TRPC6: variants seen among roughly 807,000 people sequenced by gnomAD.
TRPC6 encodes transient receptor potential cation channel subfamily C member 6, also known as short transient receptor potential channel 6.
In TRPC6, 55 loss-of-function variants were observed where a neutral mutation model predicts 90.7. That is an observed-to-expected ratio of 0.61 (90% CI 0.49 to 0.76). The LOEUF (loss-of-function observed/expected upper bound fraction) is 0.76. TRPC6 is among the 30% of genes least tolerant of loss of function. The probability of loss-of-function intolerance (pLI) is 0.00; values close to 1 mark genes in which losing one functional copy is unlikely to be tolerated. For missense variants in TRPC6, 989 were observed against 1,122.7 expected, an observed-to-expected ratio of 0.88 and a Z score of 1.70; for synonymous variants, 393 against 393.0, an observed-to-expected ratio of 1.00 and a Z score of 0.00.
intron 1 of TRPC6, among the ~76,000 whole-genome samples, chr11:101,514,993 A>G (rs1022386729): frequency 2.6e-5 from 4 of 152,320 alleles, no homozygotes; most frequent in East Asian, 3.9e-4. Flanking sequence ...CATCCCTCTG[A>G]GCCTCGGATT....
chr11:101,574,349 CT>C (rs1253706317), intron 1 of TRPC6, among the ~76,000 whole-genome samples: 1 of 150,970 alleles, frequency 6.6e-6, no homozygotes, highest in Admixed American at 6.6e-5. Context: ...GTATAAAGAA[CT>C]GTTTTAAGAG....
chr11:101,488,196 T>C (rs1859721677), intron 4 of TRPC6, among the ~76,000 whole-genome samples: 1 of 152,222 alleles, frequency 6.6e-6, no homozygotes. Context: ...AGAATAGGCT[T>C]GTTAGCAATG....
chr11:101,549,648 G>GA (rs200134395), intron 1 of TRPC6, among the ~76,000 whole-genome samples: 1,475 of 147,182 alleles, frequency 0.01, 29 homozygotes, highest in African/African-American at 0.034. Context: ...AACTGACAGA[G>GA]AAAAAAGGGA....
intron 1 of TRPC6, among the ~76,000 whole-genome samples, chr11:101,513,805 G>A (rs1860452273): frequency 1.3e-5 from 2 of 152,134 alleles, no homozygotes; most frequent in South Asian, 4.1e-4. Flanking sequence ...TTATGTGGAG[G>A]GGGAGAACAA....
At chr11:101,518,623 A>T (rs1160847964) in intron 1 of TRPC6, among the ~76,000 whole-genome samples, 1 of 152,230 alleles carries the variant, frequency 6.6e-6, no homozygotes, top group Non-Finnish European at 1.5e-5. Context: ...TATGAAGAAT[A>T]GTTTGGAGGT....
intron 10 of TRPC6, among the ~76,000 whole-genome samples, chr11:101,460,357 T>C (rs1378010872): frequency 6.6e-6 from 1 of 152,242 alleles, no homozygotes; most frequent in Non-Finnish European, 1.5e-5. Context: ...GCCACTGGTA[T>C]AACTTAAATC....
At chr11:101,521,158 G>C (rs1319454955) in intron 1 of TRPC6, among the ~76,000 whole-genome samples, 1 of 150,468 alleles carries the variant, frequency 6.6e-6, no homozygotes, top group African/African-American at 2.4e-5. Context: ...AGACCTTTGT[G>C]ACAGCCCCTT....
chr11:101,477,843 C>G (rs1020734109), intron 5 of TRPC6, among the ~76,000 whole-genome samples: 10 of 152,192 alleles, frequency 6.6e-5, no homozygotes, highest in African/African-American at 2.4e-4. Context: ...TTAAAATTTT[C>G]CATGATTGGC....
At chr11:101,462,206 G>A (rs1859020260) in intron 10 of TRPC6, among the ~76,000 whole-genome samples, 1 of 152,184 alleles carries the variant, frequency 6.6e-6, no homozygotes, top group Non-Finnish European at 1.5e-5. Context: ...ATGCTGTTTG[G>A]TTACTGTAGC....
In TRPC6 at chr11:101,582,764, C is replaced by A. The variant is rs1251770776; in HGVS notation, c.170+570G>T. On this transcript the variant is annotated intron_variant, in intron 1 of 12. Coordinates refer to ENST00000344327, the MANE Select transcript of TRPC6 (RefSeq NM_004621.6). ...TTCTATTTCTGTCTTCACTCCAAGG[C>A]CCCAGGACCGGGGAGAGGTCCTGGT... Among the ~76,000 whole-genome samples the A allele has an allele frequency of 8.5e-5, 13 of 152,138 alleles. No individual in the cohort carries two copies. The South Asian group carries it at 2.7e-3, about 32-fold the overall frequency.
chr11:101,512,509 A>G lies in TRPC6; in HGVS notation c.171-7711T>C, dbSNP rs1045489306. ...TTGCCTTTTTATAAAACAACATCTG[A>G]CATGTCATTGTTCCCTTTTAGTTTC... is the stretch of plus-strand genomic sequence containing the variant. On this transcript the variant is annotated intron_variant, in intron 1 of 12. Coordinates refer to ENST00000344327, the MANE Select transcript of TRPC6 (RefSeq NM_004621.6). 2.0e-4 allele frequency among the ~76,000 whole-genome samples: 30 copies of G among 152,166 alleles called. 1 individual carries two copies. The highest frequency in any genetic ancestry group is 4.4e-5 in the Non-Finnish European group (3 of 68,030).
chr11:101,561,843 CACATATTAGTTTATATATTTAT>C (rs959860937), intron 1 of TRPC6, among the ~76,000 whole-genome samples: 3 of 150,302 alleles, frequency 2.0e-5, no homozygotes, highest in Admixed American at 6.7e-5. Context: ...ATTAAATATA[CACATATTAGTTTATATATTTAT>C]ACATATTAGT....
rs149515065 is a variant in TRPC6, at chr11:101,483,344, G to A, written c.1294-179C>T. Among the ~76,000 whole-genome samples, 782 of 152,192 alleles carry A rather than the reference G, an allele frequency of 5.1e-3. 2 individuals are homozygous for A. The highest frequency in any genetic ancestry group is 0.018 in the African/African-American group (737 of 41,544). On this transcript the variant is annotated intron_variant, in intron 4 of 12. Coordinates refer to ENST00000344327, the MANE Select transcript of TRPC6 (RefSeq NM_004621.6). ...TATGCTGTTACAAAATTTTGTTCAC[G>A]TTCCTCACCTACATGTGCTGATGTT... is the stretch of plus-strand genomic sequence containing the variant.
chr11:101,482,750 C>T lies in TRPC6; in HGVS notation c.1510+199G>A, dbSNP rs12361641. On this transcript the variant is annotated intron_variant, in intron 5 of 12. Coordinates refer to ENST00000344327, the MANE Select transcript of TRPC6 (RefSeq NM_004621.6). ...GGGTTTTCCTTGGAAATGCAAAAGG[C>T]GCACAGCATGCGAGAAGACTATGGC... is the stretch of plus-strand genomic sequence containing the variant. 0.35 allele frequency among the ~76,000 whole-genome samples: 53,587 copies of T among 151,954 alleles called. 10,794 individuals carry two copies. Among genetic ancestry groups the T allele is most frequent in the African/African-American group, 0.55 (22,638 of 41,434 alleles).
chr11:101,498,210 C>T (rs1859999385), intron 2 of TRPC6, among the ~76,000 whole-genome samples: 2 of 152,160 alleles, frequency 1.3e-5, no homozygotes, highest in Admixed American at 1.3e-4. Flanking sequence ...TTTTTACTGA[C>T]TTTGTGTTGC....
intron 1 of TRPC6, among the ~76,000 whole-genome samples, chr11:101,578,815 CT>C (rs1350659363): frequency 1.3e-5 from 2 of 152,128 alleles, no homozygotes; most frequent in Non-Finnish European, 2.9e-5. Context: ...GCTATACATT[CT>C]TTAACCAAGG....
In TRPC6 at chr11:101,476,342, G is replaced by A. The variant is rs772690406; in HGVS notation, c.1703C>T (p.Thr568Met). The change falls in exon 6 of 13, where the codon ACG becomes ATG. Residue 568 changes from threonine to methionine, a missense_variant. This residue lies in a region of TRPC6 where 486 missense variants were observed against 591.9 expected (regional missense o/e 0.82). Coordinates refer to ENST00000344327, the MANE Select transcript of TRPC6 (RefSeq NM_004621.6). ...IDANDTLKDL[T>M]KVTLGDNVKY... ...CACATTGTCTCCCAATGTTACTTTCGTCAAGTCCTTCAAAGTATCATTTGC... is the reference window on the plus strand; with the variant it reads ...CACATTGTCTCCCAATGTTACTTTCATCAAGTCCTTCAAAGTATCATTTGC... 87 of 1,613,824 alleles carry A rather than the reference G, an allele frequency of 5.4e-5. No individual in the cohort carries two copies. Among genetic ancestry groups the A allele is most frequent in the Non-Finnish European group, 6.6e-5 (78 of 1,179,966 alleles).
intron 1 of TRPC6, among the ~76,000 whole-genome samples, chr11:101,508,364 G>A (rs1385662799): frequency 6.6e-6 from 1 of 152,126 alleles, no homozygotes; most frequent in East Asian, 1.9e-4. Flanking sequence ...TGAGCCTAAT[G>A]TTGGTTTTGG....
intron 1 of TRPC6, among the ~76,000 whole-genome samples, chr11:101,561,068 C>T (rs1357651492): frequency 6.6e-6 from 1 of 150,434 alleles, no homozygotes; most frequent in Non-Finnish European, 1.5e-5. Flanking sequence ...AGATACATCT[C>T]TCTTTTCTTA....
Sources: gnomAD v4.1 joint callset for allele counts (sites outside exome capture counted in the v4.1 genomes callset) on GRCh38, gnomAD v4.1.1 for gene constraint, gnomAD v4.1.1 regional missense constraint, MANE v1.5 for transcripts, NCBI Gene and HGNC (gene_info 2026-07-23, HGNC 2026-07-21) for gene names.